CPQ: variants seen among roughly 807,000 people sequenced by gnomAD.
CPQ encodes the protein Ser-Met dipeptidase.
Under a neutral mutation model 45.7 loss-of-function variants are expected in CPQ, and 37 were observed. That is an observed-to-expected ratio of 0.81 (90% CI 0.62 to 1.07). The LOEUF (loss-of-function observed/expected upper bound fraction) is 1.07. Among genes scored for constraint, CPQ ranks in the 50% least tolerant of loss-of-function variants. The pLI is 0.00. For missense variants in CPQ, 537 were observed against 572.9 expected, an observed-to-expected ratio of 0.94 and a Z score of 0.64; for synonymous variants, 186 against 205.8, an observed-to-expected ratio of 0.90 and a Z score of 0.82.
At chr8:97,068,441 G>A (rs1181485565) in intron 7 of CPQ, among the ~76,000 whole-genome samples, 1 of 152,122 alleles carries the variant, frequency 6.6e-6, no homozygotes, top group Non-Finnish European at 1.5e-5. Flanking sequence ...AGACCAGCCT[G>A]ACCAACATGG....
intron 1 of CPQ, among the ~76,000 whole-genome samples, chr8:96,706,452 G>C (rs1385741896): frequency 6.6e-6 from 1 of 152,022 alleles, no homozygotes; most frequent in African/African-American, 2.4e-5. Flanking sequence ...GAGGGTTGGG[G>C]GTGAATGTGT....
At chr8:96,832,849 G>T (rs1811477836) in intron 2 of CPQ, among the ~76,000 whole-genome samples, 1 of 152,150 alleles carries the variant, frequency 6.6e-6, no homozygotes, top group Non-Finnish European at 1.5e-5. Flanking sequence ...AGGGGTTGGG[G>T]ATGCTGCCTG....
intron 7 of CPQ, among the ~76,000 whole-genome samples, chr8:97,078,224 A>G (rs997379940): frequency 2.6e-5 from 4 of 152,100 alleles, no homozygotes; most frequent in Non-Finnish European, 5.9e-5. Flanking sequence ...TGGCTTTCTG[A>G]TAGGACAAAT....
At chr8:97,134,659 T>C (rs2130626438) in intron 7 of CPQ, among the ~76,000 whole-genome samples, 1 of 152,346 alleles carries the variant, frequency 6.6e-6, no homozygotes, top group Non-Finnish European at 1.5e-5. Flanking sequence ...GGTTTCCCAC[T>C]GGAGAAAAGG....
chr8:97,024,973 G>A (rs1054551054), intron 5 of CPQ, among the ~76,000 whole-genome samples: 4 of 152,146 alleles, frequency 2.6e-5, no homozygotes, highest in Non-Finnish European at 5.9e-5. Flanking sequence ...CTATAGTTCT[G>A]GAGGGTTGAA....
intron 1 of CPQ, among the ~76,000 whole-genome samples, chr8:96,764,656 C>T (rs1317421152): frequency 1.3e-5 from 2 of 152,130 alleles, no homozygotes; most frequent in Non-Finnish European, 2.9e-5. Context: ...TGAAAAATTA[C>T]AAGACTGTTA....
At position 96,765,339 on chromosome 8, in the gene CPQ, G is replaced by A. The variant is rs138308558; in HGVS notation, c.-34-19525G>A. Among the ~76,000 whole-genome samples the A allele has an allele frequency of 3.9e-4, 59 of 152,274 alleles. No homozygotes were observed. In the East Asian group the frequency reaches 9.3e-3, roughly 24 times the overall value. ...AAACATGGGCCAAGGTAATTTGGCTGTCTTTTCATTCCCATCTCTAAAAGA... is the reference window on the plus strand; with the variant it reads ...AAACATGGGCCAAGGTAATTTGGCTATCTTTTCATTCCCATCTCTAAAAGA... On this transcript the variant is annotated intron_variant, in intron 1 of 7. Transcript: ENST00000220763.
At chr8:96,743,951 G>T (rs1200121769) in intron 1 of CPQ, among the ~76,000 whole-genome samples, 1 of 152,246 alleles carries the variant, frequency 6.6e-6, no homozygotes, top group Non-Finnish European at 1.5e-5. Context: ...CCTGCCCCCA[G>T]AGGTGGAGCC....
chr8:97,101,976 C>G (rs1293366196), intron 7 of CPQ, among the ~76,000 whole-genome samples: 1 of 147,954 alleles, frequency 6.8e-6, no homozygotes, highest in Admixed American at 6.9e-5. Flanking sequence ...CTCTCTCTCT[C>G]TCCTGATAGC....
At chr8:97,132,910 A>G (rs1291191691) in intron 7 of CPQ, 1 of 152,244 alleles carries the variant, frequency 6.6e-6, no homozygotes, top group Non-Finnish European at 1.5e-5. Flanking sequence ...ACAAAGGTGA[A>G]CACAATAAAC....
intron 7 of CPQ, among the ~76,000 whole-genome samples, chr8:97,071,534 C>A (rs1563572601): frequency 6.6e-6 from 1 of 152,106 alleles, no homozygotes; most frequent in African/African-American, 2.4e-5. Flanking sequence ...ACTCCAAATC[C>A]CTGCTATTTC....
At chr8:97,122,975 A>T (rs1563586906) in intron 7 of CPQ, among the ~76,000 whole-genome samples, 1 of 80,278 alleles carries the variant, frequency 1.2e-5, no homozygotes, top group African/African-American at 6.6e-5. Context: ...ATAAAATAAA[A>T]TAAAATTAAA....
At chr8:96,845,373 A>G (rs1811670713) in intron 3 of CPQ, among the ~76,000 whole-genome samples, 1 of 152,240 alleles carries the variant, frequency 6.6e-6, no homozygotes, top group Non-Finnish European at 1.5e-5. Flanking sequence ...TTGCTGGCAC[A>G]GGGCAGGTAC....
chr8:96,933,813 GA>G (rs918117895), intron 4 of CPQ, among the ~76,000 whole-genome samples: 4 of 148,766 alleles, frequency 2.7e-5, no homozygotes, highest in Non-Finnish European at 5.9e-5. Context: ...TGATAGAGAA[GA>G]AAAAAAAATG....
At chr8:96,963,383 T>G (rs1813496211) in intron 4 of CPQ, among the ~76,000 whole-genome samples, 1 of 152,216 alleles carries the variant, frequency 6.6e-6, no homozygotes. Context: ...TTTTCCCTCT[T>G]AGAAACAATC....
At chr8:96,955,480 A>G (rs921666300) in intron 4 of CPQ, among the ~76,000 whole-genome samples, 8 of 152,158 alleles carry the variant, frequency 5.3e-5, no homozygotes, top group African/African-American at 1.7e-4. Context: ...TGCCATCCCC[A>G]TCAAGCTACC....
chr8:96,658,775 TGAGCCAAGGAATGTGGGTGGCCAC>T (rs1220463515), intron 1 of CPQ, among the ~76,000 whole-genome samples: 191 of 152,136 alleles, frequency 1.3e-3, no homozygotes, highest in African/African-American at 3.2e-3. Context: ...AAGGGGGCCA[TGAGCCAAGGAATGTGGGTGGCCAC>T]GAGCCAAGGA....
chr8:96,901,074 C>T (rs544873860), intron 4 of CPQ, among the ~76,000 whole-genome samples: 1 of 152,240 alleles, frequency 6.6e-6, no homozygotes, highest in Non-Finnish European at 1.5e-5. Flanking sequence ...GAATGCACCT[C>T]ACAGAAGGCT....
chr8:96,773,023 A>C (rs1055360266), intron 1 of CPQ, among the ~76,000 whole-genome samples: 1 of 152,216 alleles, frequency 6.6e-6, no homozygotes, highest in Non-Finnish European at 1.5e-5. Flanking sequence ...AAGGTCATGC[A>C]TCTAAAGAGG....
Sources: allele counts gnomAD v4.1 joint callset (sites outside exome capture counted in the v4.1 genomes callset), GRCh38; gene constraint gnomAD v4.1.1; transcripts MANE v1.5; gene names NCBI Gene and HGNC (gene_info 2026-07-23, HGNC 2026-07-21).